IMMP2L: variants seen among roughly 807,000 people sequenced by gnomAD.
IMMP2L encodes the protein mitochondrial inner membrane protease subunit 2.
IMMP2L carries 18 observed loss-of-function variants against 19.3 expected under a neutral mutation model. The ratio of observed to expected loss-of-function variants is 0.93; its 90% CI spans 0.64 to 1.38. The LOEUF is 1.38. Among genes scored for constraint, IMMP2L ranks in the 40% most tolerant of loss-of-function variants. The pLI is 0.00. For synonymous variants in IMMP2L, 76 were observed against 73.0 expected (o/e 1.04, Z -0.21); for missense variants, 233 against 218.2 (o/e 1.07, Z -0.43).
At chr7:111,116,371 A>C (rs1459707846) in intron 3 of IMMP2L, among the ~76,000 whole-genome samples, 3 of 152,220 alleles carry the variant, frequency 2.0e-5, no homozygotes, top group African/African-American at 7.2e-5. Flanking sequence ...CCAGTTTGAA[A>C]ATCTCAAAAT....
At chr7:110,996,192 C>A (rs891874726) in intron 3 of IMMP2L, among the ~76,000 whole-genome samples, 3 of 152,068 alleles carry the variant, frequency 2.0e-5, no homozygotes, top group African/African-American at 7.2e-5. Flanking sequence ...GGGCATCTGA[C>A]CTAGTTCGGA....
At chr7:110,683,567 T>G (rs1206214710) in intron 5 of IMMP2L, among the ~76,000 whole-genome samples, 1 of 152,118 alleles carries the variant, frequency 6.6e-6, no homozygotes, top group African/African-American at 2.4e-5. Flanking sequence ...ACAAGAAATT[T>G]AAACTATCAT....
chr7:110,952,343 C>A (rs747285560), intron 4 of IMMP2L, among the ~76,000 whole-genome samples: 1 of 152,086 alleles, frequency 6.6e-6, no homozygotes, highest in African/African-American at 2.4e-5. Flanking sequence ...AAAAATCAGA[C>A]GTTGGCAATA....
intron 4 of IMMP2L, among the ~76,000 whole-genome samples, chr7:110,910,508 C>T (rs1028712747): frequency 2.0e-5 from 3 of 152,026 alleles, no homozygotes; most frequent in East Asian, 3.9e-4. Flanking sequence ...TTAATAGAAG[C>T]GTTGAATTTT....
intron 2 of IMMP2L, among the ~76,000 whole-genome samples, chr7:111,517,075 G>A (rs1017522461): frequency 6.6e-6 from 1 of 151,680 alleles, no homozygotes; most frequent in African/African-American, 2.4e-5. Context: ...AAGCAATAAT[G>A]ACTGTTGAGT....
chr7:111,369,567 A>G lies in IMMP2L; in HGVS notation c.239+117671T>C, dbSNP rs929237609. ...TAGAATAAGGTCAGAAGGAGTTTTA[A>G]TGTTGAAACCAATATATCAATAGAA... On this transcript the variant is annotated intron_variant, in intron 3 of 5. Transcript: ENST00000405709. 2.6e-5 allele frequency among the ~76,000 whole-genome samples: 4 copies of G among 152,038 alleles called. No individual in the cohort carries two copies. The East Asian group carries it at 5.8e-4, about 22-fold the overall frequency.
At chr7:111,358,697 G>T (rs1384265104) in intron 3 of IMMP2L, among the ~76,000 whole-genome samples, 1 of 152,072 alleles carries the variant, frequency 6.6e-6, no homozygotes, top group Non-Finnish European at 1.5e-5. Context: ...TGCACTAAAA[G>T]TAAAGTCTTC....
At chr7:110,800,484 A>C (rs994887442) in intron 5 of IMMP2L, among the ~76,000 whole-genome samples, 1 of 152,102 alleles carries the variant, frequency 6.6e-6, no homozygotes, top group Non-Finnish European at 1.5e-5. Flanking sequence ...AAACAACAAA[A>C]GGATCACATC....
At chr7:111,131,344 G>A (rs1291621736) in intron 3 of IMMP2L, among the ~76,000 whole-genome samples, 1 of 151,964 alleles carries the variant, frequency 6.6e-6, no homozygotes, top group African/African-American at 2.4e-5. Flanking sequence ...TGCAACGCTT[G>A]AGATATTCTG....
chr7:111,471,628 A>T (rs1841280145), intron 3 of IMMP2L, among the ~76,000 whole-genome samples: 1 of 152,146 alleles, frequency 6.6e-6, no homozygotes, highest in African/African-American at 2.4e-5. Flanking sequence ...GGGTTAGAAA[A>T]TATTAAAATT....
rs558164622 is a variant in IMMP2L at position 111,266,303 on chromosome 7, G to C, written c.239+220935C>G. 3.0e-3 allele frequency among the ~76,000 whole-genome samples: 456 copies of C among 152,210 alleles called. 2 individuals carry two copies. Among genetic ancestry groups the C allele is most frequent in the African/African-American group, 1.0e-2 (414 of 41,538 alleles). On this transcript the variant is annotated intron_variant, in intron 3 of 5. Transcript: ENST00000405709. The stretch of plus-strand genomic sequence containing the variant: ...CACACCTGTAATCCCAGCACTTTGA[G>C]AGGCTGAGGTGGGTGGATCACTTGA...
chr7:111,104,503 A>G (rs117377967), intron 3 of IMMP2L, among the ~76,000 whole-genome samples: 1 of 151,962 alleles, frequency 6.6e-6, no homozygotes, highest in East Asian at 1.9e-4. Flanking sequence ...TGAAGCTGAT[A>G]TCAATTTTTT....
At chr7:111,469,157 G>A (rs1840968744) in intron 3 of IMMP2L, among the ~76,000 whole-genome samples, 1 of 152,080 alleles carries the variant, frequency 6.6e-6, no homozygotes, top group South Asian at 2.1e-4. Context: ...GGTTACTGTA[G>A]CCTTGTAGTA....
At chr7:111,005,139 A>G (rs1346358609) in intron 3 of IMMP2L, among the ~76,000 whole-genome samples, 3 of 152,134 alleles carry the variant, frequency 2.0e-5, no homozygotes, top group Non-Finnish European at 4.4e-5. Flanking sequence ...TTTGGAGGCC[A>G]TCACTTCAGT....
At chr7:111,303,287 G>A (rs1043688139) in intron 3 of IMMP2L, among the ~76,000 whole-genome samples, 1 of 151,962 alleles carries the variant, frequency 6.6e-6, no homozygotes, top group African/African-American at 2.4e-5. Context: ...GTAAGTATTA[G>A]CAATTTATAA....
chr7:111,166,829 TC>T (rs144675668), intron 3 of IMMP2L, among the ~76,000 whole-genome samples: 83 of 152,140 alleles, frequency 5.5e-4, no homozygotes, highest in African/African-American at 1.9e-3. Flanking sequence ...TCCACTGCTT[TC>T]ACCTCTTCTC....
At chr7:110,917,206 G>A (rs536016847) in intron 4 of IMMP2L, among the ~76,000 whole-genome samples, 1 of 152,318 alleles carries the variant, frequency 6.6e-6, no homozygotes, top group East Asian at 1.9e-4. Context: ...AGAAGCTGGA[G>A]GAGGCAAGGA....
At position 110,805,415 on chromosome 7, in the gene IMMP2L, G is replaced by A. The variant is rs184747528; in HGVS notation, c.408+81178C>T. 7.7e-4 allele frequency among the ~76,000 whole-genome samples: 117 copies of A among 152,102 alleles called. No homozygotes were observed. In the South Asian group the frequency reaches 7.9e-3, roughly 10 times the overall value. Reference sequence around the variant, plus strand: ...CATGGAGTAAAGCTGTAGAATGAACGAATAATACAATCTCTTTCATGGTCC... The same window carrying A: ...CATGGAGTAAAGCTGTAGAATGAACAAATAATACAATCTCTTTCATGGTCC... On this transcript the variant is annotated intron_variant, in intron 5 of 5. Transcript: ENST00000405709.
rs542359523 is a variant in IMMP2L at position 111,230,672 on chromosome 7, C to T, written c.239+256566G>A. On this transcript the variant is annotated intron_variant, in intron 3 of 5. Coordinates refer to ENST00000405709, the MANE Select transcript of IMMP2L (RefSeq NM_032549.4). ...TATTTATTGACTACCATACAGGTGG[C>T]AGGCTCAGTGCCAAGCTATGCAGAT... Among the ~76,000 whole-genome samples, 126 of 152,114 alleles carry T rather than the reference C, an allele frequency of 8.3e-4. 1 individual carries two copies. The highest frequency in any genetic ancestry group is 3.5e-3 in the Admixed American group (53 of 15,240).
Sources: allele counts gnomAD v4.1 joint callset (sites outside exome capture counted in the v4.1 genomes callset), GRCh38; gene constraint gnomAD v4.1.1; transcripts MANE v1.5; gene names NCBI Gene and HGNC (gene_info 2026-07-23, HGNC 2026-07-21).